Variants in SMG5 observed in about 807,000 individuals in gnomAD.
SMG5 encodes nonsense-mediated mRNA decay factor SMG5.
In SMG5, 53 loss-of-function variants were observed where a neutral mutation model predicts 122.9. That is an observed-to-expected ratio of 0.43 (90% CI 0.35 to 0.54). The LOEUF (loss-of-function observed/expected upper bound fraction) is 0.54, where lower values mean the gene tolerates loss of function less well. Among genes scored for constraint, SMG5 ranks in the 20% least tolerant of loss-of-function variants. The probability of loss-of-function intolerance (pLI) is 0.01; values close to 1 mark genes in which losing one functional copy is unlikely to be tolerated. For synonymous variants in SMG5, 477 were observed against 490.2 expected (o/e 0.97, Z 0.35); for missense variants, 1,153 against 1,285.6 (o/e 0.90, Z 1.58).
At chr1:156,289,721 T>A in the SMG5 span, among the ~76,000 whole-genome samples, 1 of 152,128 alleles carries the variant, frequency 6.6e-6, no homozygotes, top group Non-Finnish European at 1.5e-5. Flanking sequence ...CTTTCACAGG[T>A]AAAAAAGAAT....
chr1:156,282,858 G>A, upstream of SMG5: 1 of 630,972 alleles, frequency 1.6e-6, no homozygotes. Context: ...TCTCGCGATG[G>A]CAGCCGCACA....
At chr1:156,276,570 G>A (rs1199722428) in intron 4 of SMG5, among the ~76,000 whole-genome samples, 1 of 152,172 alleles carries the variant, frequency 6.6e-6, no homozygotes, top group African/African-American at 2.4e-5. Context: ...GAGAGAGCTG[G>A]GTGAAGGAGC....
chr1:156,276,417 G>C, intron 4 of SMG5, among the ~76,000 whole-genome samples: 1 of 152,214 alleles, frequency 6.6e-6, no homozygotes, highest in South Asian at 2.1e-4. Context: ...ATGAGCCACC[G>C]TGCCCGGTCT....
chr1:156,262,807 G>A (rs1475971516), intron 13 of SMG5, among the ~76,000 whole-genome samples: 2 of 152,132 alleles, frequency 1.3e-5, no homozygotes, highest in African/African-American at 4.8e-5. Flanking sequence ...GTCTTCCACA[G>A]CAGGGCAGGT....
At position 156,250,004 on chromosome 1, in the gene SMG5, G is replaced by A. The variant is rs1334843706; in HGVS notation, c.*583C>T. 8.8e-6 allele frequency: 4 copies of A among 452,080 alleles called. No homozygotes were observed. Among genetic ancestry groups the A allele is most frequent in the Non-Finnish European group, 1.9e-5 (4 of 215,398 alleles). The allele number at this position is 452,080 out of a possible 1,614,324, so 28.0% of individuals were successfully genotyped here. On this transcript the variant is annotated 3_prime_UTR_variant, in exon 22 of 22. Coordinates refer to ENST00000361813, the MANE Select transcript of SMG5 (RefSeq NM_015327.3). ...AACCCTGACCCTGCTACTCGGTGCA[G>A]GCCACTCCAGGCCTTGCTTCTCTAA... is the stretch of plus-strand genomic sequence containing the variant.
intron 12 of SMG5, 106 bp from the exon 13 acceptor site, chr1:156,263,676 C>A: frequency 7.9e-7 from 1 of 1,268,114 alleles, no homozygotes. Flanking sequence ...GGCCTGGGCC[C>A]TTCCAAGGAA....
intron 3 of SMG5, 41 bp from the exon 4 acceptor site, chr1:156,277,282 C>T: frequency 6.3e-7 from 1 of 1,592,480 alleles, no homozygotes; most frequent in Non-Finnish European, 8.6e-7. Context: ...AAGCAATAAA[C>T]TCAGAGTCGC....
rs886310962 is a variant in SMG5 at position 156,266,240 on chromosome 1, G to A, written c.1396C>T (p.Pro466Ser). The A allele has an allele frequency of 6.2e-7, 1 of 1,614,126 alleles. No homozygotes were observed. Among genetic ancestry groups the A allele is most frequent in the African/African-American group, 1.3e-5 (1 of 74,946 alleles). The change falls in exon 12 of 22, where the codon CCC becomes TCC. Residue 466 changes from proline (P) to serine (S), a missense_variant. This residue lies in a region of SMG5 where 631 missense variants were observed against 650.6 expected (regional missense o/e 0.97). Transcript: ENST00000361813. ...LSCLRRRRHP[P>S]KVGDDSDLSE... is the part of the protein sequence containing the mutation. ...AGGTCACTGTCATCACCAACTTTGG[G>A]TGGGTGGCGGCGACGGCGGAGACAG...
chr1:156,289,105 C>T, the SMG5 span, among the ~76,000 whole-genome samples: 3 of 152,182 alleles, frequency 2.0e-5, no homozygotes, highest in Non-Finnish European at 4.4e-5. Flanking sequence ...GCAGTTTGTG[C>T]CTCAGTTTCA....
chr1:156,273,235 G>A, intron 6 of SMG5, 126 bp downstream of exon 6: 1 of 739,216 alleles, frequency 1.4e-6, no homozygotes, highest in South Asian at 1.5e-5. Context: ...ACAAGGTGAA[G>A]TACGAGAGAG....
Position 156,269,761 on chromosome 1 carries a change from G to C in SMG5, c.714-1346C>G, listed in dbSNP as rs146815598. On this transcript the variant is annotated intron_variant, in intron 7 of 21. Coordinates refer to ENST00000361813, the MANE Select transcript of SMG5 (RefSeq NM_015327.3). Reference sequence around the variant, plus strand: ...GTGTTGGCAGGCGCCTGTTGTCCCAGCTACTTGGGAGGCTGAGGCAGAAGA... The same window carrying C: ...GTGTTGGCAGGCGCCTGTTGTCCCACCTACTTGGGAGGCTGAGGCAGAAGA... 8.6e-3 allele frequency among the ~76,000 whole-genome samples: 1,313 copies of C among 152,340 alleles called. 23 individuals are homozygous for C. Among genetic ancestry groups the C allele is most frequent in the African/African-American group, 0.03 (1,266 of 41,586 alleles).
At position 156,273,336 on chromosome 1, in the gene SMG5, GAGGCCC is replaced by G; in HGVS notation, c.634+19_634+24del. ...CCCTAGGAAAACCCTACTGGATTCA[GAGGCCC>G]AAGTTGGGGACAACTTACCAATCTG... is the stretch of plus-strand genomic sequence containing the variant. On this transcript the variant is annotated intron_variant, in intron 6 of 21. Transcript: ENST00000361813. The G allele has an allele frequency of 6.2e-7, 1 of 1,602,730 alleles. No individual in the cohort carries two copies. Among genetic ancestry groups the G allele is most frequent in the Non-Finnish European group, 8.5e-7 (1 of 1,170,722 alleles).
At chr1:156,265,727 T>C in intron 12 of SMG5, 54 bp downstream of exon 12, 2 of 1,571,930 alleles carry the variant, frequency 1.3e-6, no homozygotes, top group Non-Finnish European at 1.7e-6. Flanking sequence ...CTCTGGTGAG[T>C]GTCTATGGCA....
At chr1:156,284,470 T>C (rs1402657155), upstream of SMG5, 1 of 152,214 alleles carries the variant, frequency 6.6e-6, no homozygotes, top group Non-Finnish European at 1.5e-5. Context: ...AGGAAGGGAA[T>C]CAGTCCCATC....
chr1:156,260,473 G>C lies in SMG5; in HGVS notation c.2261C>G (p.Pro754Arg). 1 of 1,596,420 alleles carries C rather than the reference G, an allele frequency of 6.3e-7. No homozygotes were observed. Among genetic ancestry groups the C allele is most frequent in the South Asian group, 1.1e-5 (1 of 88,372 alleles). The change falls in exon 15 of 22, where the codon CCC becomes CGC. Residue 754 changes from proline to arginine, a missense_variant. Transcript: ENST00000361813. ...HRRFNFDTDR[P>R]LLSTLEESVV... ...TACCTCCTCTAAGGTGCTGAGCAGG[G>C]GCCGATCCGTGTCAAAGTTAAAGCG...
chr1:156,256,632 G>C (rs542161290), intron 16 of SMG5, among the ~76,000 whole-genome samples: 1 of 152,008 alleles, frequency 6.6e-6, no homozygotes, highest in East Asian at 1.9e-4. Context: ...CAAGAAGATG[G>C]AGCTGTGCTA....
chr1:156,262,934 G>A (rs1027252583), intron 13 of SMG5, among the ~76,000 whole-genome samples: 3 of 152,228 alleles, frequency 2.0e-5, no homozygotes, highest in African/African-American at 7.2e-5. Context: ...CTCCATGGCA[G>A]CCGGCTTGAC....
chr1:156,274,612 A>T lies in SMG5; in HGVS notation c.529T>A (p.Tyr177Asn). ...AAATTCTTACACAAATCCCCCAGAT[A>T]CACCAGACATCGGTGACATGCCATC... ...AQMACHRCLV[Y>N]LGDLSRYQNE... Residue 177 changes from tyrosine to asparagine, a missense_variant, in exon 5 of 22, where the codon TAT becomes AAT. Transcript: ENST00000361813. 1 of 1,613,990 alleles carries T rather than the reference A, an allele frequency of 6.2e-7. No homozygotes were observed. Among genetic ancestry groups the T allele is most frequent in the Non-Finnish European group, 8.5e-7 (1 of 1,179,870 alleles).
chr1:156,267,699 C>A (rs773729378), intron 9 of SMG5, 21 bp from the exon 10 acceptor site: 8 of 1,587,860 alleles, frequency 5.0e-6, no homozygotes, highest in Non-Finnish European at 6.9e-6. Flanking sequence ...GCAGGAGTAA[C>A]AGGGGAGGTC....
Sources: gnomAD v4.1 joint callset for allele counts (sites outside exome capture counted in the v4.1 genomes callset) on GRCh38, gnomAD v4.1.1 for gene constraint, gnomAD v4.1.1 regional missense constraint, MANE v1.5 for transcripts, NCBI Gene and HGNC (gene_info 2026-07-23, HGNC 2026-07-21) for gene names.